CADPS2: variants seen among roughly 807,000 people sequenced by gnomAD.
CADPS2 encodes the protein calcium dependent secretion activator 2, also known as calcium-dependent secretion activator 2.
Under a neutral mutation model 172.5 loss-of-function variants are expected in CADPS2, and 93 were observed. That is an observed-to-expected ratio of 0.54 (90% CI 0.46 to 0.64). CADPS2 has a LOEUF of 0.64. Among genes scored for constraint, CADPS2 ranks in the 30% least tolerant of loss-of-function variants. The probability of loss-of-function intolerance (pLI) is 0.00; values close to 1 mark genes in which losing one functional copy is unlikely to be tolerated. For missense variants in CADPS2, 1,420 were observed against 1,565.9 expected, an observed-to-expected ratio of 0.91 and a Z score of 1.57; for synonymous variants, 546 against 555.2, an observed-to-expected ratio of 0.98 and a Z score of 0.23.
At chr7:122,747,067 AT>A (rs1372433916) in intron 1 of CADPS2, among the ~76,000 whole-genome samples, 1 of 152,124 alleles carries the variant, frequency 6.6e-6, no homozygotes, top group Non-Finnish European at 1.5e-5. Flanking sequence ...ATGTAAACCA[AT>A]TATCACAAAT....
intron 1 of CADPS2, among the ~76,000 whole-genome samples, chr7:122,766,009 T>A (rs1048655268): frequency 2.6e-5 from 4 of 152,120 alleles, no homozygotes; most frequent in Non-Finnish European, 5.9e-5. Flanking sequence ...GGTCTTGTGA[T>A]TCTGGAGGTT....
intron 6 of CADPS2, among the ~76,000 whole-genome samples, chr7:122,584,976 A>C (rs2069428407): frequency 6.6e-6 from 1 of 151,924 alleles, no homozygotes; most frequent in Non-Finnish European, 1.5e-5. Context: ...TGGGTACATT[A>C]TTGTATTTAT....
intron 22 of CADPS2, among the ~76,000 whole-genome samples, chr7:122,389,628 G>A (rs1481951410): frequency 6.6e-6 from 1 of 151,892 alleles, no homozygotes; most frequent in African/African-American, 2.4e-5. Context: ...ACAGAAACAA[G>A]TGTTTTGAAA....
chr7:122,624,985 G>C (rs1055917068), intron 4 of CADPS2, among the ~76,000 whole-genome samples: 7 of 152,158 alleles, frequency 4.6e-5, no homozygotes, highest in Non-Finnish European at 7.3e-5. Flanking sequence ...GGGGTGGTAG[G>C]GGAAGGTCTC....
intron 2 of CADPS2, among the ~76,000 whole-genome samples, chr7:122,726,646 A>G (rs1282923991): frequency 2.0e-5 from 3 of 151,992 alleles, no homozygotes; most frequent in African/African-American, 7.2e-5. Flanking sequence ...ACATTTGAGC[A>G]AACATAAAAC....
chr7:122,834,588 A>G (rs1362889196), intron 1 of CADPS2, among the ~76,000 whole-genome samples: 1 of 152,140 alleles, frequency 6.6e-6, no homozygotes, highest in African/African-American at 2.4e-5. Context: ...CTCCCACCCT[A>G]ATACTGCACT....
At chr7:122,509,171 A>G (rs10256973) in intron 9 of CADPS2, among the ~76,000 whole-genome samples, 21,680 of 152,062 alleles carry the variant, frequency 0.14, 2,244 homozygotes, top group African/African-American at 0.29. Context: ...GTCTGCTGTA[A>G]TGGGTCCCCA....
intron 6 of CADPS2, among the ~76,000 whole-genome samples, chr7:122,586,981 T>A (rs535357468): frequency 6.6e-6 from 1 of 152,004 alleles, no homozygotes; most frequent in East Asian, 1.9e-4. Context: ...AAATGACATA[T>A]ATTCCAAATG....
intron 3 of CADPS2, among the ~76,000 whole-genome samples, chr7:122,638,689 G>T (rs1430098260): frequency 6.6e-6 from 1 of 152,160 alleles, no homozygotes; most frequent in East Asian, 1.9e-4. Context: ...ACATTCTCAG[G>T]ATTGCACAGG....
intron 28 of CADPS2, chr7:122,332,093 T>C (rs1191223822): frequency 1.8e-4 from 27 of 152,206 alleles, no homozygotes; most frequent in Admixed American, 1.8e-3. Flanking sequence ...ATTCAATTTT[T>C]TTTGCAGGTT....
chr7:122,721,282 T>C (rs991648712), intron 2 of CADPS2, among the ~76,000 whole-genome samples: 8 of 151,956 alleles, frequency 5.3e-5, no homozygotes, highest in African/African-American at 4.8e-5. Context: ...ACAAAATTGA[T>C]AGACTGCTAG....
intron 3 of CADPS2, among the ~76,000 whole-genome samples, chr7:122,656,668 T>C (rs984844165): frequency 1.3e-5 from 2 of 152,048 alleles, no homozygotes; most frequent in East Asian, 1.9e-4. Flanking sequence ...CAAGAGTGGA[T>C]TGGTGACAGC....
chr7:122,725,923 C>A (rs1015299133), intron 2 of CADPS2, among the ~76,000 whole-genome samples: 7 of 151,966 alleles, frequency 4.6e-5, no homozygotes, highest in South Asian at 2.1e-4. Flanking sequence ...ATAGCAGATA[C>A]CTATTTACAA....
chr7:122,398,931 A>G (rs1279744633), intron 20 of CADPS2, among the ~76,000 whole-genome samples: 1 of 152,174 alleles, frequency 6.6e-6, no homozygotes, highest in Non-Finnish European at 1.5e-5. Context: ...ATCCCATTTA[A>G]GTAGACTAGG....
At chr7:122,676,623 G>T in intron 2 of CADPS2, 1 of 1,346,240 alleles carries the variant, frequency 7.4e-7, no homozygotes, top group Admixed American at 1.9e-5. Flanking sequence ...TTCCCATGAT[G>T]ACTGATCAGC....
chr7:122,717,841 G>A (rs1284373717), intron 2 of CADPS2, among the ~76,000 whole-genome samples: 1 of 152,002 alleles, frequency 6.6e-6, no homozygotes, highest in Non-Finnish European at 1.5e-5. Flanking sequence ...ACAAGGTCTT[G>A]CTCTGTCACC....
intron 1 of CADPS2, among the ~76,000 whole-genome samples, chr7:122,791,591 T>C (rs1011238307): frequency 2.6e-5 from 4 of 152,138 alleles, no homozygotes; most frequent in Non-Finnish European, 5.9e-5. Context: ...GTATTGTGAT[T>C]TAATGACTTT....
chr7:122,512,397 A>G (rs527588517), intron 9 of CADPS2, among the ~76,000 whole-genome samples: 1 of 152,214 alleles, frequency 6.6e-6, no homozygotes, highest in South Asian at 2.1e-4. Flanking sequence ...CTTTTCATAT[A>G]TTGGGAACAA....
chr7:122,704,434 G>T (rs533386931), intron 2 of CADPS2, among the ~76,000 whole-genome samples: 2 of 151,518 alleles, frequency 1.3e-5, no homozygotes, highest in African/African-American at 4.8e-5. Flanking sequence ...TTAAGAAGAC[G>T]GTTTAACATC....
Sources: gnomAD v4.1 joint callset for allele counts (sites outside exome capture counted in the v4.1 genomes callset) on GRCh38, gnomAD v4.1.1 for gene constraint, MANE v1.5 for transcripts, NCBI Gene and HGNC (gene_info 2026-07-23, HGNC 2026-07-21) for gene names.